Variants in GEMIN5 observed in about 807,000 individuals in gnomAD.
The protein encoded by GEMIN5 is gem nuclear organelle associated protein 5.
In GEMIN5, 124 loss-of-function variants were observed where a neutral mutation model predicts 176.9. The observed-to-expected ratio is 0.70, with a 90% CI of 0.61 to 0.81. GEMIN5 has a LOEUF of 0.81. GEMIN5 is among the 40% of genes least tolerant of loss of function. The probability of loss-of-function intolerance (pLI) is 0.00; values close to 1 mark genes in which losing one functional copy is unlikely to be tolerated. For missense variants in GEMIN5, 1,843 were observed against 1,814.6 expected, an observed-to-expected ratio of 1.02 and a Z score of -0.28; for synonymous variants, 673 against 665.2, an observed-to-expected ratio of 1.01 and a Z score of -0.18.
intron 15 of GEMIN5, among the ~76,000 whole-genome samples, chr5:154,909,243 C>T (rs1304918222): frequency 7.1e-6 from 1 of 140,094 alleles, no homozygotes; most frequent in Non-Finnish European, 1.5e-5. Context: ...ACTGGGATTA[C>T]AGGCGTGAGC....
rs75123260 is a variant in GEMIN5 at position 154,896,451 on chromosome 5, C to A, written c.3346-108G>T. 0.072 allele frequency: 84,236 copies of A among 1,163,878 alleles called. 3,321 individuals carry two copies. Among genetic ancestry groups the A allele is most frequent in the Admixed American group, 0.16 (4,963 of 31,184 alleles). The allele number at this position is 1,163,878 out of a possible 1,614,324, so 72.1% of individuals were successfully genotyped here. A position where few individuals can be genotyped will look rare whatever the true frequency, so the allele number is the denominator to read the frequency against. The stretch of plus-strand genomic sequence containing the variant: ...GTATTTCCCTTTGTATCTGCAGCAA[C>A]CAAAGCACATTAGTGAGCTACCTGC... On this transcript the variant is annotated intron_variant, in intron 23 of 27. Transcript: ENST00000285873.
Position 154,911,738 on chromosome 5 carries a change from C to T in GEMIN5, c.2156G>A (p.Arg719Gln), listed in dbSNP as rs146816444. The T allele has an allele frequency of 3.4e-4, 548 of 1,613,390 alleles. No individual in the cohort carries two copies. The highest frequency in any genetic ancestry group is 4.3e-4 in the Non-Finnish European group (502 of 1,179,556). Reference protein sequence around the residue: ...KWLTSMQDHSRPPQGKKSIEL... With the variant: ...KWLTSMQDHSQPPQGKKSIEL... ...AGGTTCTGACTGACCTTGAGGAGGC[C>T]GGGAATGATCTTGCATGGAAGTGAG... Residue 719 changes from arginine to glutamine, a missense_variant, in exon 15 of 28, where the codon CGG becomes CAG. Coordinates refer to ENST00000285873, the MANE Select transcript of GEMIN5 (RefSeq NM_015465.5).
At chr5:154,921,277 A>G in intron 10 of GEMIN5, 66 bp downstream of exon 10, 1 of 815,330 alleles carries the variant, frequency 1.2e-6, no homozygotes, top group Non-Finnish European at 2.2e-6. Flanking sequence ...TCCATCTTTA[A>G]TATTTTAGGA....
chr5:154,937,182 A>T lies in GEMIN5; in HGVS notation c.170T>A (p.Ile57Lys). 3 of 1,602,192 alleles carry T rather than the reference A, an allele frequency of 1.9e-6. No individual in the cohort carries two copies. Among genetic ancestry groups the T allele is most frequent in the Non-Finnish European group, 2.6e-6 (3 of 1,172,558 alleles). The change falls in exon 2 of 28, where the codon ATA becomes AAA. Residue 57 changes from isoleucine (I) to lysine (K), a missense_variant. Coordinates refer to ENST00000285873, the MANE Select transcript of GEMIN5 (RefSeq NM_015465.5). Reference sequence around the variant, plus strand: ...TTCGGTGTGTCCCACCAACTCTCCTATGACTTTAAGCAAAACCAGACGCTA... The same window carrying T: ...TTCGGTGTGTCCCACCAACTCTCCTTTGACTTTAAGCAAAACCAGACGCTA... Reference protein sequence around the residue: ...ESPGTPPFRVIGELVGHTERV... With the variant: ...ESPGTPPFRVKGELVGHTERV...
rs1438474796 is a variant in GEMIN5, at chr5:154,925,929, G to A, written c.1226C>T (p.Thr409Ile). Residue 409 changes from threonine to isoleucine, a missense_variant, in exon 8 of 28, where the codon ACA (threonine) becomes ATA (isoleucine). Physicochemically the swap from Thr to Ile is moderately conservative, Grantham distance 89. Coordinates refer to ENST00000285873, the MANE Select transcript of GEMIN5 (RefSeq NM_015465.5). ...VGDGMIRVWN[T>I]LSIKNNYDVK... ...ATCATAGTTGTTCTTTATGGAGAGTGTATTCCATACACGGATCATGCCATC... is the reference window on the plus strand; with the variant it reads ...ATCATAGTTGTTCTTTATGGAGAGTATATTCCATACACGGATCATGCCATC... The A allele has an allele frequency of 1.2e-6, 2 of 1,613,322 alleles. No homozygotes were observed. Among genetic ancestry groups the A allele is most frequent in the Admixed American group, 1.7e-5 (1 of 60,000 alleles).
chr5:154,891,980 A>G (rs1763241222), intron 25 of GEMIN5, among the ~76,000 whole-genome samples: 1 of 152,154 alleles, frequency 6.6e-6, no homozygotes, highest in African/African-American at 2.4e-5. Flanking sequence ...AGCATGATAG[A>G]GTATTCCATT....
chr5:154,896,085 G>T lies in GEMIN5; in HGVS notation c.3597+7C>A, dbSNP rs1255726218. The T allele has an allele frequency of 6.2e-7, 1 of 1,612,778 alleles. No homozygotes were observed. The highest frequency in any genetic ancestry group is 1.3e-5 in the African/African-American group (1 of 74,982). On this transcript the variant is annotated splice_region_variant and intron_variant, in intron 24 of 27. Transcript: ENST00000285873. ...ATTAATGTCAAATGCTGGTACAGATGGCTTACCTGTTTGGCAGGTGTGTTA... is the reference window on the plus strand; with the variant it reads ...ATTAATGTCAAATGCTGGTACAGATTGCTTACCTGTTTGGCAGGTGTGTTA...
intron 4 of GEMIN5, 112 bp from the exon 5 acceptor site, chr5:154,931,689 C>T (rs920951738): frequency 2.4e-6 from 2 of 825,328 alleles, no homozygotes; most frequent in African/African-American, 1.7e-5. Context: ...TAGGTCTGAA[C>T]TATAAAATTT....
At position 154,938,144 on chromosome 5, in the gene GEMIN5, C is replaced by T; in HGVS notation, c.-11G>A. On this transcript the variant is annotated 5_prime_UTR_variant, in exon 1 of 28. Coordinates refer to ENST00000285873, the MANE Select transcript of GEMIN5 (RefSeq NM_015465.5). ...CGGCTCCTGCCCCATAACTACAAGC[C>T]GTCAGAGACAAGAGAAGCTGCCACA... 2 of 1,366,512 alleles carry T rather than the reference C, an allele frequency of 1.5e-6. No individual in the cohort carries two copies. The highest frequency in any genetic ancestry group is 3.8e-5 in the South Asian group (2 of 52,950). The allele number at this position is 1,366,512 out of a possible 1,614,324, so 84.6% of individuals were successfully genotyped here.
At position 154,899,213 on chromosome 5, in the gene GEMIN5, G is replaced by C; in HGVS notation, c.3112C>G (p.His1038Asp). The stretch of plus-strand genomic sequence containing the variant: ...TACCATTTGGCAGCTACAGCATAGT[G>C]GCCATCTCTTTCTAGGACGGTTCCC... ...SWGTVLERDG[H>D]YAVAAKCYLG... The change falls in exon 22 of 28, where the codon CAC (histidine) becomes GAC (aspartate). Residue 1038 changes from histidine to aspartate, a missense_variant. By Grantham distance (81) the His-to-Asp change is moderately conservative (BLOSUM62 -1). Transcript: ENST00000285873. The C allele has an allele frequency of 6.2e-7, 1 of 1,612,162 alleles. No individual in the cohort carries two copies. The highest frequency in any genetic ancestry group is 8.5e-7 in the Non-Finnish European group (1 of 1,179,078).
intron 23 of GEMIN5, among the ~76,000 whole-genome samples, chr5:154,896,995 A>G (rs891117148): frequency 6.6e-6 from 1 of 152,244 alleles, no homozygotes; most frequent in Admixed American, 6.5e-5. Flanking sequence ...CCTTATCAGA[A>G]TATTTAGCAT....
In GEMIN5 at chr5:154,919,978, T is replaced by C; in HGVS notation, c.1588A>G (p.Asn530Asp). 2 of 1,613,498 alleles carry C rather than the reference T, an allele frequency of 1.2e-6. No homozygotes were observed. The highest frequency in any genetic ancestry group is 1.7e-6 in the Non-Finnish European group (2 of 1,179,716). ...CCACAAGAACTCACTTTGATTGAAT[T>C]GGTGTCCCTGATGAGTTTGTTGATG... ...FDINKLIRDT[N>D]SIKYKLPVHT... is the part of the protein sequence containing the mutation. The change falls in exon 11 of 28, where the codon AAT becomes GAT. Residue 530 changes from asparagine (N) to aspartate (D), a missense_variant. Asn to Asp is a conservative substitution (Grantham distance 23). Transcript: ENST00000285873.
At position 154,927,493 on chromosome 5, in the gene GEMIN5, G is replaced by A. The variant is rs369600670; in HGVS notation, c.972C>T (p.Phe324=). 7 of 1,610,704 alleles carry A rather than the reference G, an allele frequency of 4.3e-6. No homozygotes were observed. The highest frequency in any genetic ancestry group is 5.9e-6 in the Non-Finnish European group (7 of 1,176,952). The change falls in exon 7 of 28, where the codon TTC becomes TTT. Residue 324 remains phenylalanine, a synonymous_variant. Coordinates refer to ENST00000285873, the MANE Select transcript of GEMIN5 (RefSeq NM_015465.5). ...TQSWRRKYTL[F]SASSEGQNHS... is the part of the protein sequence containing the mutation. ...GATTTTGCCCTTCTGATGAGGCACT[G>A]AAGAGGGTGTATTTCCGTCTCCAAG...
At chr5:154,902,400 TTGTCTATTGC>T in intron 20 of GEMIN5, 129 bp downstream of exon 20, 2 of 732,706 alleles carry the variant, frequency 2.7e-6, no homozygotes, top group Admixed American at 2.7e-5. Flanking sequence ...ATTTATTAGT[TTGTCTATTGC>T]TGTCTATTGC....
chr5:154,922,244 T>C (rs528248571), intron 9 of GEMIN5, among the ~76,000 whole-genome samples: 2 of 152,284 alleles, frequency 1.3e-5, no homozygotes, highest in South Asian at 2.1e-4. Flanking sequence ...CTCCGCTCAC[T>C]GCAAGCTCCG....
rs758937684 is a variant in GEMIN5 at position 154,924,521 on chromosome 5, C to T, written c.1327G>A (p.Ala443Thr). Reference protein sequence around the residue: ...CWHPTKEGCLAFGTDDGKVGL... With the variant: ...CWHPTKEGCLTFGTDDGKVGL... ...ACTTTTCCATCATCAGTTCCAAAAG[C>T]TAAGCAACCTTCCTTGGTTGGGTGC... Residue 443 changes from alanine (A) to threonine (T), a missense_variant, in exon 9 of 28, where the codon GCT (alanine) becomes ACT (threonine). By Grantham distance (58) the Ala-to-Thr change is moderately conservative (BLOSUM62 0). Transcript: ENST00000285873. 1.2e-6 allele frequency: 2 copies of T among 1,612,800 alleles called. No homozygotes were observed. The highest frequency in any genetic ancestry group is 2.7e-5 in the African/African-American group (2 of 74,894).
chr5:154,919,863 TATG>T, intron 11 of GEMIN5, 101 bp downstream of exon 11: 1 of 955,384 alleles, frequency 1.0e-6, no homozygotes, highest in Non-Finnish European at 1.6e-6. Flanking sequence ...TCTGACTTAG[TATG>T]ATGATGGTAA....
chr5:154,907,579 T>C lies in GEMIN5; in HGVS notation c.2395+12A>G. On this transcript the variant is annotated intron_variant, in intron 16 of 27. Coordinates refer to ENST00000285873, the MANE Select transcript of GEMIN5 (RefSeq NM_015465.5). ...ATGAAATCCTAGTGATACACAGGAT[T>C]CTGCCACATACCCGCTGGAGCAAGG... 1 of 1,601,300 alleles carries C rather than the reference T, an allele frequency of 6.2e-7. No individual in the cohort carries two copies. Among genetic ancestry groups the C allele is most frequent in the Non-Finnish European group, 8.6e-7 (1 of 1,168,374 alleles).
chr5:154,922,488 G>A (rs1269418539), intron 9 of GEMIN5, among the ~76,000 whole-genome samples: 2 of 152,038 alleles, frequency 1.3e-5, no homozygotes, highest in South Asian at 2.1e-4. Context: ...AATAGAATAA[G>A]CAGTTCTGGC....
Sources: allele counts gnomAD v4.1 joint callset (sites outside exome capture counted in the v4.1 genomes callset), GRCh38; gene constraint gnomAD v4.1.1; transcripts MANE v1.5; gene names NCBI Gene and HGNC (gene_info 2026-07-23, HGNC 2026-07-21).